KHDRBS2: variants seen among roughly 807,000 people sequenced by gnomAD.
KHDRBS2 encodes the protein KH RNA binding domain containing, signal transduction associated 2.
KHDRBS2 carries 26 observed loss-of-function variants against 44.3 expected under a neutral mutation model. The ratio of observed to expected loss-of-function variants is 0.59; its 90% CI spans 0.43 to 0.81. KHDRBS2 has a LOEUF of 0.81. Ranked by LOEUF, KHDRBS2 falls within the 40% of genes least tolerant of loss-of-function variation. The pLI is 0.00. For missense variants in KHDRBS2, 476 were observed against 433.1 expected (o/e 1.10, Z -0.88); for synonymous variants, 194 against 151.1 (o/e 1.28, Z -2.08).
chr6:61,787,068 A>T (rs1294121010), intron 6 of KHDRBS2, among the ~76,000 whole-genome samples: 1 of 149,302 alleles, frequency 6.7e-6, no homozygotes, highest in Admixed American at 6.7e-5. Context: ...TATGTATATT[A>T]AGCAAGTTAT....
At chr6:61,675,024 C>T (rs1444659845), downstream of KHDRBS2, among the ~76,000 whole-genome samples, 1 of 151,692 alleles carries the variant, frequency 6.6e-6, no homozygotes, top group Non-Finnish European at 1.5e-5. Context: ...AAATATTTGT[C>T]TCTATTTATG....
intron 1 of KHDRBS2, among the ~76,000 whole-genome samples, chr6:62,208,234 T>A (rs1299539605): frequency 6.6e-6 from 1 of 152,142 alleles, no homozygotes. Flanking sequence ...TTTCTTGTTT[T>A]TTACAGACAA....
At chr6:61,911,855 T>C (rs1806109577) in intron 4 of KHDRBS2, among the ~76,000 whole-genome samples, 1 of 151,978 alleles carries the variant, frequency 6.6e-6, no homozygotes, top group African/African-American at 2.4e-5. Flanking sequence ...TTATTTGGCT[T>C]GCAGTTTCCA....
rs558883154 is a variant in KHDRBS2 at position 61,889,667 on chromosome 6, G to T, written c.810+4968C>A. ...TCCACTTTTGTGCCTACCTCCACCC[G>T]CATGTTCTATTATCCATGATGTAGG... On this transcript the variant is annotated intron_variant, in intron 6 of 8. Transcript: ENST00000281156. 4.6e-5 allele frequency among the ~76,000 whole-genome samples: 7 copies of T among 152,182 alleles called. No homozygotes were observed. In the South Asian group the frequency reaches 1.5e-3, roughly 32 times the overall value.
At chr6:61,992,202 T>C (rs1733421300) in intron 3 of KHDRBS2, among the ~76,000 whole-genome samples, 1 of 152,188 alleles carries the variant, frequency 6.6e-6, no homozygotes, top group African/African-American at 2.4e-5. Flanking sequence ...GCTAACATCT[T>C]GTTTACCTAA....
At chr6:62,177,785 G>A (rs1246639558) in intron 1 of KHDRBS2, among the ~76,000 whole-genome samples, 1 of 151,210 alleles carries the variant, frequency 6.6e-6, no homozygotes, top group Non-Finnish European at 1.5e-5. Flanking sequence ...AAAATAGGTA[G>A]TAAAGAGAAA....
intron 6 of KHDRBS2, among the ~76,000 whole-genome samples, chr6:61,787,276 T>A (rs1287067503): frequency 6.6e-6 from 1 of 151,634 alleles, no homozygotes; most frequent in East Asian, 1.9e-4. Flanking sequence ...TCTCTTTAGT[T>A]CACATTTTTA....
At chr6:62,135,557 C>T (rs549292722) in intron 2 of KHDRBS2, among the ~76,000 whole-genome samples, 12 of 152,234 alleles carry the variant, frequency 7.9e-5, no homozygotes, top group African/African-American at 2.6e-4. Context: ...AAAATCATCA[C>T]CTCCAAAACA....
At chr6:61,572,503 G>A in the KHDRBS2 span, among the ~76,000 whole-genome samples, 1 of 151,854 alleles carries the variant, frequency 6.6e-6, no homozygotes, top group South Asian at 2.1e-4. Context: ...ACCAGGAAAA[G>A]ACATAACAAA....
At chr6:62,005,274 T>C (rs1779004880) in intron 3 of KHDRBS2, among the ~76,000 whole-genome samples, 1 of 152,100 alleles carries the variant, frequency 6.6e-6, no homozygotes. Context: ...TAACTGATTT[T>C]ATTTATAACT....
At chr6:62,061,287 G>C (rs1017809979) in intron 2 of KHDRBS2, among the ~76,000 whole-genome samples, 2 of 151,578 alleles carry the variant, frequency 1.3e-5, no homozygotes, top group African/African-American at 2.4e-5. Flanking sequence ...TTTACATTTC[G>C]GCATGATTTT....
intron 6 of KHDRBS2, among the ~76,000 whole-genome samples, chr6:61,743,741 A>T (rs1776471127): frequency 1.3e-5 from 2 of 151,522 alleles, no homozygotes. Context: ...TTAACTCGTC[A>T]TTTAGCATTA....
In KHDRBS2 at chr6:62,077,514, C is replaced by T. The variant is rs768496805; in HGVS notation, c.220-29520G>A. ...TCTTTATCTGGGATCTTGAATGAGG[C>T]AATTTTCCAAGGTCTGATTCAACAC... On this transcript the variant is annotated intron_variant, in intron 2 of 8. Transcript: ENST00000281156. Among the ~76,000 whole-genome samples, 5 of 151,984 alleles carry T rather than the reference C, an allele frequency of 3.3e-5. No homozygotes were observed. The East Asian group carries it at 7.8e-4, about 24-fold the overall frequency.
downstream of KHDRBS2, among the ~76,000 whole-genome samples, chr6:61,677,340 C>CT (rs1766002126): frequency 6.6e-6 from 1 of 151,778 alleles, no homozygotes; most frequent in East Asian, 1.9e-4. Flanking sequence ...TTTCCTCTTG[C>CT]TTTACAAAAA....
At chr6:61,719,775 T>A (rs1275858357) in intron 7 of KHDRBS2, among the ~76,000 whole-genome samples, 1 of 151,920 alleles carries the variant, frequency 6.6e-6, no homozygotes, top group African/African-American at 2.4e-5. Context: ...TTTTTTAAAT[T>A]TATTTATTTA....
chr6:62,031,214 A>G (rs1289218107), intron 3 of KHDRBS2, among the ~76,000 whole-genome samples: 1 of 152,040 alleles, frequency 6.6e-6, no homozygotes, highest in East Asian at 1.9e-4. Context: ...ATCACCCGCT[A>G]ACTAAAGAGC....
chr6:62,018,333 G>A (rs185260996), intron 3 of KHDRBS2, among the ~76,000 whole-genome samples: 1 of 79,010 alleles, frequency 1.3e-5, no homozygotes, highest in Non-Finnish European at 2.8e-5. Context: ...GTGTGTGTGT[G>A]TGTGTGTCCT....
At chr6:61,681,099 C>T (rs1375824782) in intron 8 of KHDRBS2, 39 bp from the exon 9 acceptor site, 1 of 1,361,488 alleles carries the variant, frequency 7.3e-7, no homozygotes, top group Non-Finnish European at 1.0e-6. Flanking sequence ...CACATGACTT[C>T]ACAGTTACCA....
At chr6:61,867,238 T>C (rs1195885551) in intron 6 of KHDRBS2, among the ~76,000 whole-genome samples, 2 of 152,180 alleles carry the variant, frequency 1.3e-5, no homozygotes, top group African/African-American at 4.8e-5. Context: ...GAGGAACAAG[T>C]CATGTCTTAC....
Sources: gnomAD v4.1 joint callset for allele counts (sites outside exome capture counted in the v4.1 genomes callset) on GRCh38, gnomAD v4.1.1 for gene constraint, MANE v1.5 for transcripts, NCBI Gene and HGNC (gene_info 2026-07-23, HGNC 2026-07-21) for gene names.